The following SMOC2 variants were observed in gnomAD, a reference collection of about 807,000 sequenced individuals.
SMOC2 encodes the protein SPARC-related modular calcium-binding protein 2.
In SMOC2, 39 loss-of-function variants were observed where a neutral mutation model predicts 61.4. That is an observed-to-expected ratio of 0.64 (90% CI 0.49 to 0.83). The LOEUF (loss-of-function observed/expected upper bound fraction) is 0.83. SMOC2 is among the 40% of genes least tolerant of loss of function. SMOC2 has a pLI of 0.00. For synonymous variants in SMOC2, 247 were observed against 239.9 expected, an observed-to-expected ratio of 1.03 and a Z score of -0.27; for missense variants, 556 against 592.9, an observed-to-expected ratio of 0.94 and a Z score of 0.65.
At chr6:168,566,479 C>CTTTTTT (rs10553952) in intron 7 of SMOC2, among the ~76,000 whole-genome samples, 3 of 118,268 alleles carry the variant, frequency 2.5e-5, no homozygotes, top group Non-Finnish European at 3.5e-5. Context: ...TGTAGCACTT[C>CTTTTTT]TTTTTTTTTT....
intron 1 of SMOC2, among the ~76,000 whole-genome samples, chr6:168,485,269 G>A (rs1449019848): frequency 6.6e-6 from 1 of 152,114 alleles, no homozygotes; most frequent in East Asian, 1.9e-4. Flanking sequence ...TTGGAAAACA[G>A]TTTTCCAAAG....
intron 9 of SMOC2, among the ~76,000 whole-genome samples, chr6:168,615,691 G>C (rs910790643): frequency 3.5e-5 from 4 of 112,678 alleles, no homozygotes; most frequent in South Asian, 3.0e-4. Flanking sequence ...AGCCAGCACA[G>C]GGCCTCTTCA....
intron 1 of SMOC2, among the ~76,000 whole-genome samples, chr6:168,493,261 T>C: frequency 6.6e-6 from 1 of 152,132 alleles, no homozygotes; most frequent in East Asian, 1.9e-4. Context: ...GGTCTCGAAC[T>C]CCTGATCTCA....
chr6:168,610,596 C>G (rs1785833419), intron 9 of SMOC2, among the ~76,000 whole-genome samples: 1 of 152,124 alleles, frequency 6.6e-6, no homozygotes, highest in Non-Finnish European at 1.5e-5. Context: ...AAGGTTTTGC[C>G]AATGTAGGTC....
chr6:168,555,641 G>T lies in SMOC2; in HGVS notation c.637+6438G>T, dbSNP rs573407022. Among the ~76,000 whole-genome samples the T allele has an allele frequency of 2.0e-5, 3 of 152,298 alleles. No individual in the cohort carries two copies. The South Asian group carries it at 6.2e-4, about 32-fold the overall frequency. ...GGAACCTAAATCATGCCTCTTGCGG[G>T]ATTTGAACCAAATTGGGATCTGTAG... is the stretch of plus-strand genomic sequence containing the variant. On this transcript the variant is annotated intron_variant, in intron 7 of 12. Transcript: ENST00000356284.
chr6:168,653,151 C>T lies in SMOC2; in HGVS notation c.1208C>T (p.Ser403Phe), dbSNP rs747571265. The part of the protein sequence containing the change: ...VEYCDVNNDK[S>F]ISVQELMGCL... ...TACTGTGACGTGAATAATGACAAAT[C>T]CATCTCCGTACAAGAACTGATGGGC... Residue 403 changes from serine (S) to phenylalanine (F), a missense_variant, in exon 11 of 13, where the codon TCC becomes TTC. Transcript: ENST00000356284. 7 of 1,614,044 alleles carry T rather than the reference C, an allele frequency of 4.3e-6. No individual in the cohort carries two copies. The African/African-American group carries it at 8.0e-5, about 18-fold the overall frequency.
rs767358033 is a variant in SMOC2, at chr6:168,653,104, A to C, written c.1161A>C (p.Lys387Asn). ...TTCGCAAAAAATCAAAGCCCAAAAA[A>C]TGTGTGAAGAAGTTTGTTGAATACT... ...RFLRKKSKPK[K>N]CVKKFVEYCD... Residue 387 changes from lysine to asparagine, a missense_variant, in exon 11 of 13, where the codon AAA becomes AAC. Transcript: ENST00000356284. The C allele has an allele frequency of 1.2e-6, 2 of 1,614,204 alleles. No homozygotes were observed.
chr6:168,590,899 T>A (rs1180037468), intron 7 of SMOC2, among the ~76,000 whole-genome samples: 3 of 152,208 alleles, frequency 2.0e-5, no homozygotes, highest in Non-Finnish European at 4.4e-5. Context: ...GAACTCATAT[T>A]TTTTTAATAG....
chr6:168,592,303 T>A (rs1785201457), intron 7 of SMOC2, among the ~76,000 whole-genome samples: 1 of 148,172 alleles, frequency 6.7e-6, no homozygotes, highest in Non-Finnish European at 1.5e-5. Flanking sequence ...CTCCTCCTCC[T>A]CCCTGAGGCC....
chr6:168,543,045 A>G (rs1194338895), intron 4 of SMOC2, among the ~76,000 whole-genome samples: 1 of 152,186 alleles, frequency 6.6e-6, no homozygotes, highest in Non-Finnish European at 1.5e-5. Flanking sequence ...AAGTGGATCC[A>G]TATAGTGGCT....
chr6:168,441,645 G>C (rs1781212626), intron 1 of SMOC2, among the ~76,000 whole-genome samples, 191 bp downstream of exon 1: 1 of 152,080 alleles, frequency 6.6e-6, no homozygotes, highest in South Asian at 2.1e-4. Flanking sequence ...CCTGGGACCC[G>C]GCTGGGATGG....
chr6:168,500,462 G>T (rs1038475281), intron 1 of SMOC2, among the ~76,000 whole-genome samples: 1 of 152,102 alleles, frequency 6.6e-6, no homozygotes, highest in East Asian at 1.9e-4. Context: ...CAGCATTCAC[G>T]CGTGGAACCT....
intron 9 of SMOC2, among the ~76,000 whole-genome samples, chr6:168,618,775 G>T (rs1786168889): frequency 6.6e-6 from 1 of 152,132 alleles, no homozygotes; most frequent in Non-Finnish European, 1.5e-5. Context: ...CGATGGGGAA[G>T]GTGACATCGT....
At chr6:168,516,860 AG>A (rs1440219364) in intron 2 of SMOC2, among the ~76,000 whole-genome samples, 1 of 152,210 alleles carries the variant, frequency 6.6e-6, no homozygotes, top group Non-Finnish European at 1.5e-5. Flanking sequence ...AGGCTGAGGC[AG>A]GGGAATCCCT....
chr6:168,637,541 C>T (rs777985456), intron 9 of SMOC2, among the ~76,000 whole-genome samples: 4 of 152,176 alleles, frequency 2.6e-5, no homozygotes, highest in Non-Finnish European at 4.4e-5. Context: ...TTGTGGGTGT[C>T]GACTTGCTAG....
intron 1 of SMOC2, among the ~76,000 whole-genome samples, chr6:168,476,997 A>G (rs1782101843): frequency 1.3e-5 from 2 of 152,208 alleles, no homozygotes; most frequent in African/African-American, 4.8e-5. Flanking sequence ...TTTGTGTGCA[A>G]TAACACCAAT....
intron 1 of SMOC2, among the ~76,000 whole-genome samples, chr6:168,460,628 G>A (rs775662872): frequency 2.1e-4 from 32 of 152,310 alleles, no homozygotes; most frequent in Non-Finnish European, 4.0e-4. Flanking sequence ...GTGGGGCCAG[G>A]TGTCTTGTCT....
At chr6:168,585,164 G>T (rs1026182903) in intron 7 of SMOC2, among the ~76,000 whole-genome samples, 4 of 152,216 alleles carry the variant, frequency 2.6e-5, no homozygotes, top group East Asian at 3.9e-4. Context: ...TTGCTATGTT[G>T]CCCAGGCTGA....
At chr6:168,611,918 G>A (rs999381722) in intron 9 of SMOC2, among the ~76,000 whole-genome samples, 3 of 152,166 alleles carry the variant, frequency 2.0e-5, no homozygotes, top group Non-Finnish European at 4.4e-5. Context: ...CCACCTGGTG[G>A]GGCACAGCGT....
Sources: gnomAD v4.1 joint callset for allele counts (sites outside exome capture counted in the v4.1 genomes callset) on GRCh38, gnomAD v4.1.1 for gene constraint, MANE v1.5 for transcripts, NCBI Gene and HGNC (gene_info 2026-07-23, HGNC 2026-07-21) for gene names.